EPHA5: variants seen among roughly 807,000 people sequenced by gnomAD.
The protein encoded by EPHA5 is EPH receptor A5, also known as ephrin type-A receptor 5.
Under a neutral mutation model 105.0 loss-of-function variants are expected in EPHA5, and 60 were observed. The observed-to-expected ratio is 0.57, with a 90% CI of 0.46 to 0.71. The LOEUF (loss-of-function observed/expected upper bound fraction) is 0.71, where lower values mean the gene tolerates loss of function less well. Ranked by LOEUF, EPHA5 falls within the 30% of genes least tolerant of loss-of-function variation. EPHA5 has a pLI of 0.00. For synonymous variants in EPHA5, 513 were observed against 449.1 expected (o/e 1.14, Z -1.80); for missense variants, 1,218 against 1,274.7 (o/e 0.96, Z 0.68).
At chr4:65,376,927 G>T (rs1719066709) in intron 8 of EPHA5, 1 of 1,361,370 alleles carries the variant, frequency 7.3e-7, no homozygotes, top group African/African-American at 1.4e-5. Context: ...AATGGAGAAA[G>T]AAAAGGAATG....
At chr4:65,327,196 G>A (rs34010515) in intron 16 of EPHA5, among the ~76,000 whole-genome samples, 3 of 151,050 alleles carry the variant, frequency 2.0e-5, no homozygotes, top group African/African-American at 7.3e-5. Flanking sequence ...ATAAATGTGG[G>A]TATTGTTTGA....
At chr4:65,644,753 T>C (rs921927960) in intron 1 of EPHA5, among the ~76,000 whole-genome samples, 2 of 151,988 alleles carry the variant, frequency 1.3e-5, no homozygotes, top group Non-Finnish European at 2.9e-5. Flanking sequence ...AACATGCATA[T>C]CTTATAAACC....
At chr4:65,623,465 A>G (rs1483516740) in intron 2 of EPHA5, among the ~76,000 whole-genome samples, 1 of 152,148 alleles carries the variant, frequency 6.6e-6, no homozygotes, top group Non-Finnish European at 1.5e-5. Context: ...TTCACATATT[A>G]TACCTAATAC....
chr4:65,386,058 G>A (rs1025682575), intron 8 of EPHA5, among the ~76,000 whole-genome samples: 30 of 151,638 alleles, frequency 2.0e-4, no homozygotes, highest in East Asian at 3.9e-4. Flanking sequence ...AAATCCCCAC[G>A]TACACAAAAT....
chr4:65,513,580 G>A (rs183310111), intron 3 of EPHA5, among the ~76,000 whole-genome samples: 1 of 151,938 alleles, frequency 6.6e-6, no homozygotes, highest in South Asian at 2.1e-4. Flanking sequence ...AGAGAGGGGG[G>A]TTTTACCATG....
chr4:65,490,193 A>G (rs1731263976), intron 5 of EPHA5, among the ~76,000 whole-genome samples, 184 bp downstream of exon 5: 1 of 152,230 alleles, frequency 6.6e-6, no homozygotes, highest in South Asian at 2.1e-4. Context: ...GGGATTGCTA[A>G]CAAAGCTTTA....
chr4:65,628,120 G>A (rs903908226), intron 2 of EPHA5, among the ~76,000 whole-genome samples: 1 of 151,944 alleles, frequency 6.6e-6, no homozygotes, highest in Non-Finnish European at 1.5e-5. Flanking sequence ...ACATCTTTAA[G>A]TATATTGAAA....
chr4:65,547,173 TA>T (rs1254606884), intron 3 of EPHA5, among the ~76,000 whole-genome samples: 1 of 151,280 alleles, frequency 6.6e-6, no homozygotes, highest in Non-Finnish European at 1.5e-5. Flanking sequence ...AAACACAGAG[TA>T]AACAGATGGC....
At chr4:65,554,257 TTA>T (rs1293121303) in intron 3 of EPHA5, among the ~76,000 whole-genome samples, 3 of 148,758 alleles carry the variant, frequency 2.0e-5, no homozygotes, top group Non-Finnish European at 4.5e-5. Flanking sequence ...ATATATATAA[TTA>T]TATGTTATAT....
intron 5 of EPHA5, among the ~76,000 whole-genome samples, chr4:65,453,994 T>C (rs1172154137): frequency 1.3e-5 from 2 of 152,072 alleles, no homozygotes; most frequent in East Asian, 1.9e-4. Context: ...ATAATATGAA[T>C]TGTGGGCCAG....
Position 65,319,718 on chromosome 4 carries a change from A to G in EPHA5, c.*4396T>C, listed in dbSNP as rs1020695542. On this transcript the variant is annotated 3_prime_UTR_variant, in exon 17 of 17. Transcript: ENST00000613740. ...TCTTTGAATTAACTGTGAGACAGGAACTTGAGATAGCCTGATGTATATCAT... is the reference window on the plus strand; with the variant it reads ...TCTTTGAATTAACTGTGAGACAGGAGCTTGAGATAGCCTGATGTATATCAT... The G allele has an allele frequency of 4.4e-6, 1 of 226,544 alleles. No individual in the cohort carries two copies. The highest frequency in any genetic ancestry group is 8.8e-6 in the Non-Finnish European group (1 of 113,864). 14.0% of individuals were successfully genotyped at this position (226,544 alleles called of 1,614,324 possible).
At chr4:65,619,319 T>C (rs1745511637) in intron 2 of EPHA5, among the ~76,000 whole-genome samples, 1 of 152,152 alleles carries the variant, frequency 6.6e-6, no homozygotes, top group Admixed American at 6.6e-5. Flanking sequence ...ATTTGAGAAG[T>C]TAAGATTTTT....
chr4:65,541,520 G>C (rs111570189), intron 3 of EPHA5, among the ~76,000 whole-genome samples: 36,924 of 151,768 alleles, frequency 0.24, 4,630 homozygotes, highest in African/African-American at 0.28. Context: ...TTACATAATG[G>C]TAAAGGAAAC....
chr4:65,475,138 T>G (rs62298057), intron 5 of EPHA5, among the ~76,000 whole-genome samples: 31,403 of 152,176 alleles, frequency 0.21, 4,089 homozygotes, highest in Middle Eastern at 0.35. Flanking sequence ...AATGCCCAAC[T>G]GCCATTCATT....
chr4:65,462,876 C>A (rs1011050889), intron 5 of EPHA5, among the ~76,000 whole-genome samples: 11 of 152,096 alleles, frequency 7.2e-5, no homozygotes, highest in Non-Finnish European at 1.3e-4. Flanking sequence ...CTACTATATG[C>A]ATTATTTTTG....
intron 16 of EPHA5, among the ~76,000 whole-genome samples, chr4:65,326,723 T>C (rs888001549): frequency 6.6e-6 from 1 of 151,368 alleles, no homozygotes; most frequent in African/African-American, 2.4e-5. Flanking sequence ...TGTTTTATCA[T>C]ATGTTTTATA....
chr4:65,473,280 A>G (rs1233892590), intron 5 of EPHA5, among the ~76,000 whole-genome samples: 4 of 152,108 alleles, frequency 2.6e-5, no homozygotes, highest in African/African-American at 9.7e-5. Flanking sequence ...TCTGCCTGTT[A>G]CCCAGGTCCA....
At chr4:65,653,872 A>T (rs922694511) in intron 1 of EPHA5, among the ~76,000 whole-genome samples, 1 of 152,054 alleles carries the variant, frequency 6.6e-6, no homozygotes, top group African/African-American at 2.4e-5. Context: ...AATATCAGTG[A>T]TATGCTTCAT....
intron 1 of EPHA5, among the ~76,000 whole-genome samples, chr4:65,646,337 A>G (rs1207144930): frequency 4.6e-5 from 7 of 152,198 alleles, no homozygotes; most frequent in African/African-American, 1.7e-4. Flanking sequence ...ATAGCTGTTT[A>G]TCTTATGAAT....
Sources: allele counts gnomAD v4.1 joint callset (sites outside exome capture counted in the v4.1 genomes callset), GRCh38; gene constraint gnomAD v4.1.1; transcripts MANE v1.5; gene names NCBI Gene and HGNC (gene_info 2026-07-23, HGNC 2026-07-21).